IL1RAPL1: variants seen among roughly 807,000 people sequenced by gnomAD.
The protein encoded by IL1RAPL1 is interleukin-1 receptor accessory protein-like 1.
Under a neutral mutation model 48.4 loss-of-function variants are expected in IL1RAPL1, and 3 were observed. That is an observed-to-expected ratio of 0.06 (90% confidence interval 0.03 to 0.16). The LOEUF is 0.16. Among genes scored for constraint, IL1RAPL1 ranks in the 10% least tolerant of loss-of-function variants. The pLI, the probability that IL1RAPL1 is intolerant of heterozygous loss-of-function variation, is 1.00. For synonymous variants in IL1RAPL1, 185 were observed against 187.7 expected, an observed-to-expected ratio of 0.99 and a Z score of 0.12; for missense variants, 349 against 530.6, an observed-to-expected ratio of 0.66 and a Z score of 3.36.
At chrX:29,883,967 C>T (rs751506736) in intron 6 of IL1RAPL1, among the ~76,000 whole-genome samples, 3 of 112,027 alleles carry the variant, frequency 2.7e-5, no homozygotes, top group Admixed American at 1.9e-4. Context: ...CAAGATGGCT[C>T]ACAGGGTTGA....
chrX:29,645,996 A>T lies in IL1RAPL1; in HGVS notation c.704-22434A>T, dbSNP rs762916990. On this transcript the variant is annotated intron_variant, in intron 5 of 10. Transcript: ENST00000378993. ...GACAAAACCAGATTGTGAAGGGCCTACTTGTTCAGTGCACAGACATTGATT... is the reference window on the plus strand; with the variant it reads ...GACAAAACCAGATTGTGAAGGGCCTTCTTGTTCAGTGCACAGACATTGATT... 8.9e-5 allele frequency among the ~76,000 whole-genome samples: 10 copies of T among 112,210 alleles called. No homozygotes were observed. The South Asian group carries it at 3.7e-3, about 42-fold the overall frequency.
At chrX:29,257,040 C>T (rs991422028) in intron 2 of IL1RAPL1, among the ~76,000 whole-genome samples, 2 of 110,898 alleles carry the variant, frequency 1.8e-5, no homozygotes, top group African/African-American at 3.3e-5. Flanking sequence ...ATTAATTGGA[C>T]GAAATATGAA....
chrX:29,260,036 A>G (rs1002335578), intron 2 of IL1RAPL1, among the ~76,000 whole-genome samples: 4 of 112,328 alleles, frequency 3.6e-5, no homozygotes, highest in Admixed American at 1.9e-4. Context: ...CAATAATTCT[A>G]CAAGATATAA....
intron 2 of IL1RAPL1, among the ~76,000 whole-genome samples, chrX:29,139,530 A>G (rs1321346142): frequency 8.1e-5 from 9 of 111,075 alleles, no homozygotes; most frequent in African/African-American, 2.6e-4. Flanking sequence ...ATTTTTATAA[A>G]CCATTTGTTT....
intron 6 of IL1RAPL1, among the ~76,000 whole-genome samples, chrX:29,854,748 G>A (rs974770965): frequency 9.0e-6 from 1 of 110,966 alleles, no homozygotes; most frequent in Non-Finnish European, 1.9e-5. Context: ...AGTACAAAGC[G>A]AGGCACAGAG....
intron 2 of IL1RAPL1, among the ~76,000 whole-genome samples, chrX:28,829,979 T>C (rs1246814132): frequency 8.9e-6 from 1 of 111,866 alleles, no homozygotes; most frequent in Non-Finnish European, 1.9e-5. Context: ...CCTTGCACTC[T>C]TGGGAAATAT....
chrX:28,651,149 C>T lies in IL1RAPL1; in HGVS notation c.-25+63102C>T, dbSNP rs149829548. ...AACATAAAGGAATTTCTTCTTTAGA[C>T]TTGAGTCCCATTTCTGAGATATCTC... On this transcript the variant is annotated intron_variant, in intron 1 of 10. Transcript: ENST00000378993. 9.6e-3 allele frequency among the ~76,000 whole-genome samples: 1,079 copies of T among 112,203 alleles called. 13 individuals carry two copies. The highest frequency in any genetic ancestry group is 0.033 in the African/African-American group (1,026 of 30,906).
chrX:29,340,336 T>C (rs1349485989), intron 3 of IL1RAPL1, among the ~76,000 whole-genome samples: 1 of 110,923 alleles, frequency 9.0e-6, no homozygotes, highest in Non-Finnish European at 1.9e-5. Context: ...GTTCCCCATC[T>C]CTCCCACTTC....
intron 3 of IL1RAPL1, among the ~76,000 whole-genome samples, chrX:29,333,492 G>A (rs1362129692): frequency 2.5e-5 from 2 of 79,408 alleles, no homozygotes; most frequent in African/African-American, 5.0e-5. Context: ...GGGCAGAGGC[G>A]CCCCTCACCT....
At chrX:29,367,802 C>G (rs1403052972) in intron 3 of IL1RAPL1, among the ~76,000 whole-genome samples, 1 of 109,525 alleles carries the variant, frequency 9.1e-6, no homozygotes, top group Non-Finnish European at 1.9e-5. Flanking sequence ...TGGTCTCGAA[C>G]TCCTGATCTC....
chrX:29,941,532 T>C (rs1601893426), intron 8 of IL1RAPL1, 119 bp from the exon 9 acceptor site: 1 of 718,339 alleles, frequency 1.4e-6, no homozygotes, highest in East Asian at 3.2e-5. Flanking sequence ...AAAGGGGTTG[T>C]GTCAACCCGT....
intron 2 of IL1RAPL1, among the ~76,000 whole-genome samples, chrX:29,222,272 A>C (rs1291044416): frequency 8.9e-6 from 1 of 111,955 alleles, no homozygotes; most frequent in Non-Finnish European, 1.9e-5. Flanking sequence ...GTGAGGCCAC[A>C]AACGTTAGCT....
intron 1 of IL1RAPL1, among the ~76,000 whole-genome samples, chrX:28,597,764 C>T (rs1295569809): frequency 9.1e-6 from 1 of 110,204 alleles, no homozygotes; most frequent in Non-Finnish European, 1.9e-5. Flanking sequence ...CAAACCACTG[C>T]TACCAGTGCT....
At chrX:29,449,378 G>T (rs1934648996) in intron 5 of IL1RAPL1, among the ~76,000 whole-genome samples, 1 of 111,123 alleles carries the variant, frequency 9.0e-6, no homozygotes, top group African/African-American at 3.3e-5. Flanking sequence ...CTATCTGAGT[G>T]AATGAGAGAG....
chrX:29,450,180 G>A (rs1260933953), intron 5 of IL1RAPL1, among the ~76,000 whole-genome samples: 1 of 111,607 alleles, frequency 9.0e-6, no homozygotes, highest in Non-Finnish European at 1.9e-5. Context: ...TATCAAGTAG[G>A]GACATTTAGC....
rs149569290 is a variant in IL1RAPL1, at chrX:28,794,267, T to G, written c.82+4842T>G. Reference sequence around the variant, plus strand: ...GCTTGAAATGCAGTTCAAAATCTGTTAAAGGGTAAGGAAAATGATTCTTCG... The same window carrying G: ...GCTTGAAATGCAGTTCAAAATCTGTGAAAGGGTAAGGAAAATGATTCTTCG... On this transcript the variant is annotated intron_variant, in intron 2 of 10. Coordinates refer to ENST00000378993, the MANE Select transcript of IL1RAPL1 (RefSeq NM_014271.4). Among the ~76,000 whole-genome samples the G allele has an allele frequency of 3.1e-3, 346 of 110,839 alleles. 4 individuals carry two copies. In the East Asian group the frequency reaches 0.039, roughly 13 times the overall value.
intron 2 of IL1RAPL1, among the ~76,000 whole-genome samples, chrX:29,185,124 G>A (rs1487772235): frequency 8.9e-6 from 1 of 112,198 alleles, no homozygotes; most frequent in Non-Finnish European, 1.9e-5. Context: ...TGAGTAATTT[G>A]TGATTTTAAA....
At chrX:28,876,754 G>GA (rs4024039) in intron 2 of IL1RAPL1, among the ~76,000 whole-genome samples, 1,074 of 101,436 alleles carry the variant, frequency 0.011, 12 homozygotes, top group African/African-American at 0.025. Context: ...ATTCTTGCTG[G>GA]AAAAAAAAAA....
chrX:29,076,130 G>T (rs1027294304), intron 2 of IL1RAPL1, among the ~76,000 whole-genome samples: 1 of 111,507 alleles, frequency 9.0e-6, no homozygotes, highest in African/African-American at 3.2e-5. Context: ...TGTCTTAAAG[G>T]TGTTATTCTT....
Sources: gnomAD v4.1 joint callset for allele counts (sites outside exome capture counted in the v4.1 genomes callset) on GRCh38, gnomAD v4.1.1 for gene constraint, MANE v1.5 for transcripts, NCBI Gene and HGNC (gene_info 2026-07-23, HGNC 2026-07-21) for gene names.